Variants in DLGAP1 observed in about 807,000 individuals in gnomAD.
DLGAP1 encodes disks large-associated protein 1.
In DLGAP1, 11 loss-of-function variants were observed where a neutral mutation model predicts 90.8. That is an observed-to-expected ratio of 0.12 (90% CI 0.08 to 0.20). The LOEUF is 0.20. Ranked by LOEUF, DLGAP1 falls within the 10% of genes least tolerant of loss-of-function variation. DLGAP1 has a pLI of 1.00. For synonymous variants in DLGAP1, 558 were observed against 540.7 expected (o/e 1.03, Z -0.44); for missense variants, 1,050 against 1,333.8 (o/e 0.79, Z 3.31).
intron 9 of DLGAP1, among the ~76,000 whole-genome samples, chr18:3,560,270 T>G (rs933989222): frequency 6.6e-6 from 1 of 151,736 alleles, no homozygotes; most frequent in Non-Finnish European, 1.5e-5. Context: ...ATTACAAAAA[T>G]TAGCTGGGTG....
chr18:4,348,432 G>A (rs1439967903), intron 1 of DLGAP1, among the ~76,000 whole-genome samples: 2 of 151,660 alleles, frequency 1.3e-5, no homozygotes, highest in Non-Finnish European at 2.9e-5. Context: ...GTGTGTGTGT[G>A]TGTGTGTGTG....
intron 1 of DLGAP1, among the ~76,000 whole-genome samples, chr18:4,222,704 T>G (rs143734305): frequency 1.6e-3 from 233 of 146,896 alleles, no homozygotes; most frequent in Non-Finnish European, 2.7e-3. Flanking sequence ...CAGTGGTGTT[T>G]CCCTATAGGG....
At chr18:3,868,331 A>C (rs969175120) in intron 4 of DLGAP1, among the ~76,000 whole-genome samples, 3 of 152,164 alleles carry the variant, frequency 2.0e-5, no homozygotes, top group African/African-American at 7.2e-5. Flanking sequence ...AGTTAAGGAG[A>C]GAAGACAAAG....
At chr18:4,202,706 A>C (rs2077631028) in intron 1 of DLGAP1, among the ~76,000 whole-genome samples, 1 of 152,166 alleles carries the variant, frequency 6.6e-6, no homozygotes, top group South Asian at 2.1e-4. Context: ...CAGTTTTTTC[A>C]ATCTACATGG....
At chr18:3,522,766 C>A (rs2051297006) in intron 10 of DLGAP1, among the ~76,000 whole-genome samples, 2 of 151,694 alleles carry the variant, frequency 1.3e-5, no homozygotes, top group African/African-American at 4.8e-5. Context: ...TGGTCTCAAA[C>A]CCATGACCTC....
chr18:3,942,229 G>T (rs1320138472), intron 3 of DLGAP1, among the ~76,000 whole-genome samples: 3 of 152,172 alleles, frequency 2.0e-5, no homozygotes, highest in Non-Finnish European at 4.4e-5. Flanking sequence ...GGATTTACAT[G>T]CATGTTTCCA....
chr18:4,171,117 G>A (rs1010859547), intron 1 of DLGAP1, among the ~76,000 whole-genome samples: 7 of 151,928 alleles, frequency 4.6e-5, no homozygotes, highest in South Asian at 2.1e-4. Context: ...ACAATACAAC[G>A]TCTGCATTTA....
chr18:3,600,767 T>TATATAGATATATATAGATATATAG lies in DLGAP1; in HGVS notation c.1592-18520_1592-18519insCTATATATCTATATATATCTATAT, dbSNP rs1568277897. On this transcript the variant is annotated intron_variant, in intron 7 of 12. Coordinates refer to ENST00000315677, the MANE Select transcript of DLGAP1 (RefSeq NM_004746.4). The stretch of plus-strand genomic sequence containing the variant: ...ATATAGATATATATAGATATATAGA[T>TATATAGATATATATAGATATATAG]ATATATAGATATATAGATATATATA... Among the ~76,000 whole-genome samples the TATATAGATATATATAGATATATAG allele has an allele frequency of 3.7e-3, 130 of 35,234 alleles. 12 individuals are homozygous for TATATAGATATATATAGATATATAG. Among genetic ancestry groups the TATATAGATATATATAGATATATAG allele is most frequent in the Non-Finnish European group, 5.2e-3 (108 of 20,728 alleles). 23.1% of individuals were successfully genotyped at this position (35,234 alleles called of 152,430 possible). A position where few individuals can be genotyped will look rare whatever the true frequency, so the allele number is the denominator to read the frequency against.
chr18:4,186,518 T>C (rs994565911), intron 1 of DLGAP1, among the ~76,000 whole-genome samples: 13 of 152,226 alleles, frequency 8.5e-5, no homozygotes, highest in African/African-American at 3.1e-4. Flanking sequence ...CCCAACGCCA[T>C]TTGTTAAATA....
intron 7 of DLGAP1, among the ~76,000 whole-genome samples, chr18:3,688,655 A>G (rs973640725): frequency 1.5e-5 from 2 of 136,700 alleles, no homozygotes; most frequent in African/African-American, 6.9e-5. Context: ...ACACACACAC[A>G]CACACACACA....
At chr18:4,416,830 T>C (rs2082911259) in intron 1 of DLGAP1, among the ~76,000 whole-genome samples, 1 of 152,152 alleles carries the variant, frequency 6.6e-6, no homozygotes, top group South Asian at 2.1e-4. Context: ...AAGACCTGGG[T>C]TCAAACACAA....
chr18:4,039,384 A>C (rs1215654562), intron 2 of DLGAP1, among the ~76,000 whole-genome samples: 1 of 152,162 alleles, frequency 6.6e-6, no homozygotes, highest in Admixed American at 6.5e-5. Flanking sequence ...GTCCTCCTTC[A>C]GAAGATGTCC....
chr18:4,389,879 A>G (rs556831), intron 1 of DLGAP1, among the ~76,000 whole-genome samples: 131,604 of 152,156 alleles, frequency 0.86, 58,292 homozygotes, highest in East Asian at 1. Flanking sequence ...GCATAGTTTA[A>G]ATATTACTGG....
chr18:4,448,725 A>C lies in DLGAP1; in HGVS notation c.-267+6281T>G, dbSNP rs147499107. Among the ~76,000 whole-genome samples, 54 of 152,280 alleles carry C rather than the reference A, an allele frequency of 3.5e-4. 1 individual carries two copies. In the East Asian group the frequency reaches 0.01, roughly 28 times the overall value. ...TCAGAAGCAGATAGTAGAACAGAAT[A>C]CACTACATGTCTGGCCAGAAACAAA... is the stretch of plus-strand genomic sequence containing the variant. On this transcript the variant is annotated intron_variant, in intron 1 of 12. Coordinates refer to ENST00000315677, the MANE Select transcript of DLGAP1 (RefSeq NM_004746.4).
chr18:4,102,577 G>A (rs560048940), intron 2 of DLGAP1, among the ~76,000 whole-genome samples: 1 of 152,268 alleles, frequency 6.6e-6, no homozygotes, highest in Admixed American at 6.5e-5. Flanking sequence ...AGGATCACTG[G>A]TGATGTTTCA....
At chr18:4,359,784 G>A (rs1598280162) in intron 1 of DLGAP1, among the ~76,000 whole-genome samples, 1 of 152,128 alleles carries the variant, frequency 6.6e-6, no homozygotes, top group African/African-American at 2.4e-5. Flanking sequence ...ATTCAAGCAG[G>A]CCCTGGAAGC....
chr18:3,890,730 T>C (rs1023712783), intron 3 of DLGAP1, among the ~76,000 whole-genome samples: 10 of 152,210 alleles, frequency 6.6e-5, no homozygotes, highest in Non-Finnish European at 2.9e-5. Flanking sequence ...TTGTTTGTAT[T>C]ACATTTTATT....
chr18:3,819,769 T>C (rs2067302607), intron 4 of DLGAP1, among the ~76,000 whole-genome samples: 1 of 152,202 alleles, frequency 6.6e-6, no homozygotes, highest in South Asian at 2.1e-4. Flanking sequence ...CGCCCCCTTC[T>C]AGCATATTCA....
At chr18:4,450,163 T>C (rs2083785802) in intron 1 of DLGAP1, among the ~76,000 whole-genome samples, 1 of 152,202 alleles carries the variant, frequency 6.6e-6, no homozygotes, top group African/African-American at 2.4e-5. Flanking sequence ...AAGATCAAAA[T>C]GCCATTTTCC....
Sources: allele counts gnomAD v4.1 joint callset (sites outside exome capture counted in the v4.1 genomes callset), GRCh38; gene constraint gnomAD v4.1.1; transcripts MANE v1.5; gene names NCBI Gene and HGNC (gene_info 2026-07-23, HGNC 2026-07-21).